NCOR2: variants seen among roughly 807,000 people sequenced by gnomAD.
NCOR2 encodes the protein nuclear receptor corepressor 2.
Under a neutral mutation model 262.9 loss-of-function variants are expected in NCOR2, and 81 were observed. That is an observed-to-expected ratio of 0.31 (90% confidence interval 0.26 to 0.37). The LOEUF (loss-of-function observed/expected upper bound fraction) is 0.37, where lower values mean the gene tolerates loss of function less well. NCOR2 is among the 10% of genes least tolerant of loss of function. The pLI, the probability that NCOR2 is intolerant of heterozygous loss-of-function variation, is 1.00. For synonymous variants in NCOR2, 1,659 were observed against 1,559.3 expected, an observed-to-expected ratio of 1.06 and a Z score of -1.51; for missense variants, 3,385 against 3,621.4, an observed-to-expected ratio of 0.93 and a Z score of 1.68.
At chr12:124,462,587 C>T (rs1415512427) in intron 5 of NCOR2, among the ~76,000 whole-genome samples, 2 of 152,196 alleles carry the variant, frequency 1.3e-5, no homozygotes, top group African/African-American at 4.8e-5. Flanking sequence ...ACCCTGGGGG[C>T]AGTTTTGATG....
intron 1 of NCOR2, among the ~76,000 whole-genome samples, chr12:124,562,743 A>G (rs837511): frequency 0.85 from 128,745 of 152,212 alleles, 54,640 homozygotes; most frequent in African/African-American, 0.88. Context: ...GAAAAGAGAC[A>G]GGTCCATCAG....
chr12:124,335,226 G>A lies in NCOR2; in HGVS notation c.6320C>T (p.Pro2107Leu), dbSNP rs1291081651. The A allele has an allele frequency of 1.2e-6, 2 of 1,610,214 alleles. No homozygotes were observed. Among genetic ancestry groups the A allele is most frequent in the Non-Finnish European group, 1.7e-6 (2 of 1,179,510 alleles). The change falls in exon 40 of 47, where the codon CCT becomes CTT. Residue 2107 changes from proline to leucine, a missense_variant. Pro to Leu is a moderately conservative substitution (Grantham distance 98). This residue lies in a region of NCOR2 where 1,017 missense variants were observed against 967.2 expected (regional missense o/e 1.05). Transcript: ENST00000405201. ...CGGGCTGGACGAGGGCTGGCTCTCA[G>A]GCAGCGGCCGCAGGTGTGGGAGGTG...
intron 13 of NCOR2, among the ~76,000 whole-genome samples, chr12:124,419,272 C>T (rs542972958): frequency 2.0e-5 from 3 of 152,274 alleles, no homozygotes; most frequent in African/African-American, 7.2e-5. Flanking sequence ...ACATTTGAGA[C>T]CCTGTACGCC....
At chr12:124,563,764 C>T (rs1455296636) in intron 1 of NCOR2, among the ~76,000 whole-genome samples, 3 of 152,248 alleles carry the variant, frequency 2.0e-5, no homozygotes, top group Non-Finnish European at 4.4e-5. Flanking sequence ...CTCCCCAAAC[C>T]CTGGGGAGAA....
chr12:124,440,161 T>C lies in NCOR2; in HGVS notation c.816-2165A>G, dbSNP rs1384178814. Among the ~76,000 whole-genome samples, 1 of 152,198 alleles carries C rather than the reference T, an allele frequency of 6.6e-6. No individual in the cohort carries two copies. The highest frequency in any genetic ancestry group is 1.5e-5 in the Non-Finnish European group (1 of 68,032). On this transcript the variant is annotated intron_variant, in intron 7 of 46. Coordinates refer to ENST00000405201, the Ensembl canonical transcript of NCOR2. The surrounding 1 kb of genome is among the most constrained non-coding windows in gnomAD (Gnocchi z 5.7). ...CGGCATTCAGTGGCACCCGCTTTTCTGGGGAGGGGATCCCCAACTTTTTCA... is the reference window on the plus strand; with the variant it reads ...CGGCATTCAGTGGCACCCGCTTTTCCGGGGAGGGGATCCCCAACTTTTTCA...
At chr12:124,423,736 T>C (rs1259066714) in intron 11 of NCOR2, among the ~76,000 whole-genome samples, 1 of 152,134 alleles carries the variant, frequency 6.6e-6, no homozygotes, top group African/African-American at 2.4e-5. Flanking sequence ...GGAATCAAAC[T>C]TGGGAATCTC....
Position 124,433,855 on chromosome 12 carries a change from C to CAT in NCOR2, c.883-3069_883-3068insAT, listed in dbSNP as rs1395526228. Among the ~76,000 whole-genome samples, 67 of 55,730 alleles carry CAT rather than the reference C, an allele frequency of 1.2e-3. 1 individual carries two copies. The South Asian group carries it at 0.048, about 40-fold the overall frequency. The allele number at this position is 55,730 out of a possible 152,430, so 36.6% of individuals were successfully genotyped here. On this transcript the variant is annotated intron_variant, in intron 8 of 46. Transcript: ENST00000405201. ...TCCCTCTCTCTGTCTTACACACACACACACACACACACACACACACACACA... is the reference window on the plus strand; with the variant it reads ...TCCCTCTCTCTGTCTTACACACACACATACACACACACACACACACACACACA...
intron 5 of NCOR2, among the ~76,000 whole-genome samples, chr12:124,458,280 C>T (rs1043046762): frequency 7.9e-5 from 12 of 152,176 alleles, no homozygotes; most frequent in Non-Finnish European, 1.8e-4. Flanking sequence ...AAGATCTCCT[C>T]GCAGGGCGGA....
chr12:124,533,810 A>G (rs905099239), intron 1 of NCOR2, among the ~76,000 whole-genome samples: 30 of 152,230 alleles, frequency 2.0e-4, no homozygotes, highest in African/African-American at 7.2e-4. Flanking sequence ...CCTCAGTGCC[A>G]GCGGTACACC....
chr12:124,332,925 G>A (rs2035333869), intron 42 of NCOR2, among the ~76,000 whole-genome samples: 1 of 152,262 alleles, frequency 6.6e-6, no homozygotes, highest in African/African-American at 2.4e-5. Flanking sequence ...CCCAAAGCAT[G>A]GAAAGCTACC....
At position 124,415,834 on chromosome 12, in the gene NCOR2, G is replaced by A. The variant is rs565909685; in HGVS notation, c.1482+4123C>T. ...CTATGGAACATTCTAGGGCTTCCCC[G>A]GTGCCCCAGCCTGGCCCCAGACATC... On this transcript the variant is annotated intron_variant, in intron 13 of 46. Transcript: ENST00000405201. Among the ~76,000 whole-genome samples, 9 of 152,124 alleles carry A rather than the reference G, an allele frequency of 5.9e-5. No individual in the cohort carries two copies. In the South Asian group the frequency reaches 1.2e-3, roughly 21 times the overall value.
At chr12:124,512,791 T>C (rs1186667941) in intron 1 of NCOR2, among the ~76,000 whole-genome samples, 1 of 152,154 alleles carries the variant, frequency 6.6e-6, no homozygotes, top group Non-Finnish European at 1.5e-5. Flanking sequence ...CCCAACACAG[T>C]AGCCGCTGGG....
At chr12:124,334,668 C>A in intron 40 of NCOR2, 51 bp from the exon 43 acceptor site, 4 of 998,250 alleles carry the variant, frequency 4.0e-6, no homozygotes, top group Non-Finnish European at 5.5e-6. Context: ...CCTGACAGAA[C>A]CTTCTGGGGG....
At chr12:124,485,434 C>A (rs1450743579) in intron 2 of NCOR2, among the ~76,000 whole-genome samples, 1 of 152,250 alleles carries the variant, frequency 6.6e-6, no homozygotes, top group African/African-American at 2.4e-5. Context: ...CCTGTAGCCC[C>A]CAGAAGCTGG....
At chr12:124,511,503 G>A (rs1206918530) in intron 1 of NCOR2, among the ~76,000 whole-genome samples, 1 of 152,192 alleles carries the variant, frequency 6.6e-6, no homozygotes, top group South Asian at 2.1e-4. Flanking sequence ...GTCACCAGAC[G>A]CGTGGGGAAA....
At chr12:124,419,861 GT>G (rs2043117241) in intron 13 of NCOR2, 95 bp downstream of exon 15, 1 of 1,116,898 alleles carries the variant, frequency 9.0e-7, no homozygotes, top group African/African-American at 1.5e-5. Flanking sequence ...CATGGAGACA[GT>G]TACCGCCAGC....
intron 11 of NCOR2, 43 bp from the exon 14 acceptor site, chr12:124,422,598 G>A (rs772069908): frequency 8.1e-6 from 13 of 1,609,896 alleles, no homozygotes; most frequent in South Asian, 1.1e-5. Context: ...GCCGAGGGGG[G>A]CTTTCCTGCG....
intron 4 of NCOR2, among the ~76,000 whole-genome samples, chr12:124,471,474 C>T (rs953469742): frequency 6.6e-6 from 1 of 152,254 alleles, no homozygotes; most frequent in Non-Finnish European, 1.5e-5. Flanking sequence ...CAGCAGTTAA[C>T]AGGGAGACAA....
chr12:124,331,065 T>G (rs1360726614), intron 43 of NCOR2, among the ~76,000 whole-genome samples, 167 bp from the exon 46 acceptor site: 1 of 145,204 alleles, frequency 6.9e-6, no homozygotes, highest in East Asian at 2.0e-4. Context: ...CTGCATTTCT[T>G]TTTTTTTTTT....
Sources: gnomAD v4.1 joint callset for allele counts (sites outside exome capture counted in the v4.1 genomes callset) on GRCh38, gnomAD v4.1.1 for gene constraint, gnomAD v4.1.1 regional missense constraint, Gnocchi (gnomAD v3.1) non-coding constraint, MANE v1.5 for transcripts, NCBI Gene and HGNC (gene_info 2026-07-23, HGNC 2026-07-21) for gene names.